NBAS: variants seen among roughly 807,000 people sequenced by gnomAD.
NBAS encodes NAG/BC035112 fusion.
Under a neutral mutation model 302.5 loss-of-function variants are expected in NBAS, and 219 were observed. The observed-to-expected ratio is 0.72, with a 90% CI of 0.65 to 0.81. The LOEUF (loss-of-function observed/expected upper bound fraction) is 0.81, where lower values mean the gene tolerates loss of function less well. Ranked by LOEUF, NBAS falls within the 30% of genes least tolerant of loss-of-function variation. NBAS has a pLI of 0.00. For synonymous variants in NBAS, 1,118 were observed against 1,021.6 expected (o/e 1.09, Z -1.80); for missense variants, 2,932 against 2,841.6 (o/e 1.03, Z -0.72).
At chr2:14,817,995 A>G in the NBAS span, among the ~76,000 whole-genome samples, 364 of 152,226 alleles carry the variant, frequency 2.4e-3, no homozygotes, top group African/African-American at 8.0e-3. Context: ...GCTCCTGATC[A>G]TACTGTTCTT....
chr2:15,178,772 C>T (rs1664674831), intron 51 of NBAS, among the ~76,000 whole-genome samples: 1 of 152,074 alleles, frequency 6.6e-6, no homozygotes, highest in African/African-American at 2.4e-5. Flanking sequence ...GCACCAAAAA[C>T]ACTGAATCTG....
At chr2:15,159,450 G>A in the NBAS span, among the ~76,000 whole-genome samples, 4 of 92,462 alleles carry the variant, frequency 4.3e-5, no homozygotes, top group African/African-American at 2.7e-4. Flanking sequence ...CAAAAGGAGG[G>A]ACCAGCACGT....
chr2:14,990,982 T>C, the NBAS span, among the ~76,000 whole-genome samples: 2 of 152,100 alleles, frequency 1.3e-5, no homozygotes, highest in South Asian at 2.1e-4. Flanking sequence ...CAGCTGAGCC[T>C]GGGCTTGAAG....
intron 30 of NBAS, among the ~76,000 whole-genome samples, chr2:15,377,067 A>C (rs1674778446): frequency 6.6e-6 from 1 of 152,220 alleles, no homozygotes; most frequent in Non-Finnish European, 1.5e-5. Flanking sequence ...TTGTAAAAGA[A>C]CCACAATTTT....
chr2:15,459,348 ATTAGAT>A (rs1245100465), intron 21 of NBAS, among the ~76,000 whole-genome samples: 2 of 152,172 alleles, frequency 1.3e-5, no homozygotes, highest in Non-Finnish European at 2.9e-5. Flanking sequence ...TTCCATTCAG[ATTAGAT>A]TTATTCTGCA....
the NBAS span, among the ~76,000 whole-genome samples, chr2:15,149,300 C>A: frequency 2.6e-5 from 4 of 152,314 alleles, no homozygotes; most frequent in Admixed American, 1.3e-4. Context: ...AAGGCTCTTG[C>A]CAGATGTGGA....
chr2:15,138,900 CACCT>C, the NBAS span, among the ~76,000 whole-genome samples: 2 of 152,194 alleles, frequency 1.3e-5, no homozygotes, highest in East Asian at 3.8e-4. Flanking sequence ...TCCAAGAAGT[CACCT>C]TATTCTTGGG....
At chr2:14,799,269 T>C in the NBAS span, among the ~76,000 whole-genome samples, 1 of 152,084 alleles carries the variant, frequency 6.6e-6, no homozygotes, top group Non-Finnish European at 1.5e-5. Context: ...TATGTATTCA[T>C]TCAGTCCAAA....
chr2:15,193,766 A>C (rs1665478578), intron 48 of NBAS, among the ~76,000 whole-genome samples: 1 of 152,138 alleles, frequency 6.6e-6, no homozygotes, highest in African/African-American at 2.4e-5. Context: ...AAAAATTCAA[A>C]ATGAATTTTT....
intron 44 of NBAS, among the ~76,000 whole-genome samples, chr2:15,271,737 C>T (rs1473200712): frequency 6.6e-6 from 1 of 152,172 alleles, no homozygotes; most frequent in Non-Finnish European, 1.5e-5. Flanking sequence ...ATATGCTCCC[C>T]ATTACTAACC....
the NBAS span, among the ~76,000 whole-genome samples, chr2:14,988,638 G>A: frequency 1.3e-5 from 2 of 152,120 alleles, no homozygotes; most frequent in Admixed American, 6.6e-5. Flanking sequence ...CAGAAAACAT[G>A]CTGAAGAGCT....
chr2:14,990,005 A>G, the NBAS span, among the ~76,000 whole-genome samples: 1 of 152,084 alleles, frequency 6.6e-6, no homozygotes, highest in Non-Finnish European at 1.5e-5. Context: ...AATTTTACTC[A>G]TTTATATTTG....
the NBAS span, among the ~76,000 whole-genome samples, chr2:14,954,767 C>T: frequency 6.6e-5 from 10 of 152,136 alleles, no homozygotes; most frequent in Non-Finnish European, 1.2e-4. Flanking sequence ...CTCACTATCA[C>T]GAGAACAGCA....
chr2:15,358,417 T>G (rs1165301093), intron 32 of NBAS, among the ~76,000 whole-genome samples: 1 of 152,040 alleles, frequency 6.6e-6, no homozygotes, highest in Non-Finnish European at 1.5e-5. Flanking sequence ...TGCGCACACA[T>G]GTGTGCATGT....
chr2:14,840,323 G>A, the NBAS span, among the ~76,000 whole-genome samples: 2 of 151,980 alleles, frequency 1.3e-5, no homozygotes, highest in East Asian at 3.9e-4. Context: ...AATTATTAGT[G>A]TCCAAGAGGG....
At chr2:14,878,174 A>G in the NBAS span, among the ~76,000 whole-genome samples, 1 of 152,150 alleles carries the variant, frequency 6.6e-6, no homozygotes. Flanking sequence ...ACTTCCTCAG[A>G]ACACTCCTGG....
chr2:15,537,840 A>C (rs183818181), intron 7 of NBAS, among the ~76,000 whole-genome samples: 126 of 152,340 alleles, frequency 8.3e-4, no homozygotes, highest in African/African-American at 2.9e-3. Flanking sequence ...TCTCCTGCTA[A>C]TCTGTCTTTT....
At chr2:14,965,197 A>G in the NBAS span, among the ~76,000 whole-genome samples, 1 of 152,142 alleles carries the variant, frequency 6.6e-6, no homozygotes, top group African/African-American at 2.4e-5. Context: ...ATGGAAATTG[A>G]TAAAATAGAA....
intron 48 of NBAS, among the ~76,000 whole-genome samples, chr2:15,210,062 G>A (rs2147859434): frequency 6.6e-6 from 1 of 152,154 alleles, no homozygotes; most frequent in African/African-American, 2.4e-5. Context: ...ACACTGGACT[G>A]GACAAAGATT....
Sources: gnomAD v4.1 joint callset for allele counts (sites outside exome capture counted in the v4.1 genomes callset) on GRCh38, gnomAD v4.1.1 for gene constraint, MANE v1.5 for transcripts, NCBI Gene and HGNC (gene_info 2026-07-23, HGNC 2026-07-21) for gene names.